EPB41: variants seen among roughly 807,000 people sequenced by gnomAD.
EPB41 encodes protein 4.1.
Under a neutral mutation model 108.0 loss-of-function variants are expected in EPB41, and 65 were observed. The observed-to-expected ratio is 0.60, with a 90% CI of 0.49 to 0.74. EPB41 has a LOEUF of 0.74. EPB41 is among the 30% of genes least tolerant of loss of function. The pLI, the probability that EPB41 is intolerant of heterozygous loss-of-function variation, is 0.00. For missense variants in EPB41, 875 were observed against 1,037.0 expected (o/e 0.84, Z 2.15); for synonymous variants, 336 against 358.9 (o/e 0.94, Z 0.72).
intron 1 of EPB41, among the ~76,000 whole-genome samples, chr1:28,958,832 A>G (rs1322862718): frequency 2.6e-5 from 4 of 151,792 alleles, no homozygotes; most frequent in Non-Finnish European, 5.9e-5. Flanking sequence ...AAAAAAAAAA[A>G]AAAAAAAAGA....
intron 1 of EPB41, among the ~76,000 whole-genome samples, chr1:28,922,648 G>C (rs2093179984): frequency 7.4e-6 from 1 of 134,774 alleles, no homozygotes; most frequent in South Asian, 2.4e-4. Flanking sequence ...TTTTTTTCGA[G>C]ATTGAGTCTC....
chr1:29,004,007 A>G (rs569013584), intron 4 of EPB41, among the ~76,000 whole-genome samples: 2 of 152,302 alleles, frequency 1.3e-5, no homozygotes, highest in Admixed American at 6.5e-5. Context: ...AGGTGATCCA[A>G]CTGCCTTGCC....
At chr1:29,050,651 G>A (rs553939492) in intron 11 of EPB41, among the ~76,000 whole-genome samples, 32 of 152,138 alleles carry the variant, frequency 2.1e-4, no homozygotes, top group East Asian at 5.8e-4. Flanking sequence ...GCAAGAGGCC[G>A]CAGATTTTTC....
At chr1:29,027,574 G>A (rs1446729694) in intron 7 of EPB41, among the ~76,000 whole-genome samples, 1 of 151,748 alleles carries the variant, frequency 6.6e-6, no homozygotes, top group East Asian at 2.0e-4. Context: ...CAGGTGATCC[G>A]CCCACCTCGG....
chr1:29,075,125 C>G (rs557750091), intron 16 of EPB41, among the ~76,000 whole-genome samples: 6 of 139,620 alleles, frequency 4.3e-5, no homozygotes, highest in African/African-American at 1.6e-4. Flanking sequence ...CCACTGCACT[C>G]CAGCCTGGGC....
intron 1 of EPB41, among the ~76,000 whole-genome samples, chr1:28,895,452 G>A (rs2147855936): frequency 1.3e-5 from 2 of 152,016 alleles, no homozygotes; most frequent in South Asian, 4.1e-4. Flanking sequence ...GTACAGCTGG[G>A]GCTCAGACCC....
intron 17 of EPB41, among the ~76,000 whole-genome samples, chr1:29,101,752 A>G (rs1263509097): frequency 2.0e-5 from 3 of 152,180 alleles, no homozygotes; most frequent in Non-Finnish European, 4.4e-5. Context: ...AATTGAAGCA[A>G]TGAGCCAGGC....
At chr1:29,080,718 T>A (rs2503015) in intron 16 of EPB41, among the ~76,000 whole-genome samples, 125,395 of 152,184 alleles carry the variant, frequency 0.82, 52,157 homozygotes, top group Middle Eastern at 0.89. Flanking sequence ...TAAATCCCTA[T>A]GCACATGTTT....
chr1:29,107,339 C>T (rs541258749), intron 17 of EPB41, among the ~76,000 whole-genome samples: 1 of 152,218 alleles, frequency 6.6e-6, no homozygotes, highest in East Asian at 1.9e-4. Flanking sequence ...TGCCCTGAGT[C>T]CTAGTTCAAA....
chr1:29,103,468 C>CTTT (rs1214045616), intron 17 of EPB41, among the ~76,000 whole-genome samples: 1 of 152,126 alleles, frequency 6.6e-6, no homozygotes, highest in Non-Finnish European at 1.5e-5. Flanking sequence ...AGTCCCTTAT[C>CTTT]TTTTTGAGCC....
chr1:29,071,400 C>T (rs1651349997), intron 16 of EPB41: 1 of 152,210 alleles, frequency 6.6e-6, no homozygotes, highest in African/African-American at 2.4e-5. Flanking sequence ...GTCTGGAACA[C>T]AGATTTACTC....
intron 7 of EPB41, among the ~76,000 whole-genome samples, chr1:29,028,533 A>G (rs772555737): frequency 6.6e-6 from 1 of 152,184 alleles, no homozygotes; most frequent in African/African-American, 2.4e-5. Context: ...TTCTCGTTTT[A>G]TAGAGGAGAT....
intron 11 of EPB41, among the ~76,000 whole-genome samples, chr1:29,051,864 C>T (rs1558158283): frequency 6.7e-6 from 1 of 149,892 alleles, no homozygotes; most frequent in Non-Finnish European, 1.5e-5. Context: ...TGCCATTGCA[C>T]TCTAGCCTAG....
intron 16 of EPB41, among the ~76,000 whole-genome samples, chr1:29,083,681 A>G (rs143929919): frequency 3.9e-4 from 59 of 152,362 alleles, no homozygotes; most frequent in African/African-American, 1.3e-3. Flanking sequence ...CCTACTGATT[A>G]TTATACAACC....
At chr1:28,908,440 ATTT>A (rs1041889824) in intron 1 of EPB41, among the ~76,000 whole-genome samples, 24 of 144,782 alleles carry the variant, frequency 1.7e-4, no homozygotes, top group South Asian at 4.4e-4. Context: ...TATTATTATT[ATTT>A]TTTTTTGAGA....
chr1:29,049,919 A>G (rs1480154781), intron 11 of EPB41, among the ~76,000 whole-genome samples: 3 of 152,204 alleles, frequency 2.0e-5, no homozygotes, highest in Non-Finnish European at 4.4e-5. Context: ...TTAAAAAGCA[A>G]TCCTTACCCC....
intron 16 of EPB41, among the ~76,000 whole-genome samples, chr1:29,078,213 C>T (rs184479326): frequency 2.0e-4 from 30 of 151,954 alleles, no homozygotes; most frequent in Non-Finnish European, 3.8e-4. Flanking sequence ...AGCAAGATTC[C>T]GTCTCAAAAA....
chr1:28,921,938 T>TTATATATATATATGTATATA (rs1553166419), intron 1 of EPB41, among the ~76,000 whole-genome samples: 1 of 102,632 alleles, frequency 9.7e-6, no homozygotes, highest in Non-Finnish European at 1.7e-5. Flanking sequence ...TTATGAAATT[T>TTATATATATATATGTATATA]TATATATATA....
In EPB41 at chr1:29,115,388, A is replaced by G. The variant is rs1340294367; in HGVS notation, c.2497-311A>G. Among the ~76,000 whole-genome samples, 1 of 152,084 alleles carries G rather than the reference A, an allele frequency of 6.6e-6. No homozygotes were observed. Among genetic ancestry groups the G allele is most frequent in the African/African-American group, 2.4e-5 (1 of 41,410 alleles). On this transcript the variant is annotated intron_variant, in intron 19 of 20. Coordinates refer to ENST00000343067, the MANE Select transcript of EPB41 (RefSeq NM_001376013.1). This position sits in a 1 kb window ranked among gnomAD's most constrained non-coding sequence, Gnocchi z 4.4. ...AGCCTGGGTGACGGAGCGAGACTCC[A>G]TCTCAACAACAACAAAAAATAAAAA...
Sources: gnomAD v4.1 joint callset for allele counts (sites outside exome capture counted in the v4.1 genomes callset) on GRCh38, gnomAD v4.1.1 for gene constraint, Gnocchi (gnomAD v3.1) non-coding constraint, MANE v1.5 for transcripts, NCBI Gene and HGNC (gene_info 2026-07-23, HGNC 2026-07-21) for gene names.